Variants in NKAIN3 observed in about 807,000 individuals in gnomAD.
NKAIN3 encodes the protein sodium/potassium-transporting ATPase subunit beta-1-interacting protein 3.
A neutral mutation model predicts 30.2 loss-of-function variants in NKAIN3; 25 were observed. The observed-to-expected ratio is 0.83, with a 90% CI of 0.60 to 1.16. The LOEUF is 1.16. Among genes scored for constraint, NKAIN3 ranks in the 50% most tolerant of loss-of-function variants. The pLI is 0.00. For missense variants in NKAIN3, 225 were observed against 254.1 expected (o/e 0.89, Z 0.78); for synonymous variants, 91 against 89.6 (o/e 1.02, Z -0.09).
At chr8:62,863,429 T>C in intron 4 of NKAIN3, 3 of 1,552,804 alleles carry the variant, frequency 1.9e-6, no homozygotes, top group Non-Finnish European at 2.6e-6. Flanking sequence ...TGAGTAATCT[T>C]GGTCTTACTG....
intron 3 of NKAIN3, among the ~76,000 whole-genome samples, chr8:62,729,036 A>AC (rs1815371469): frequency 9.5e-6 from 1 of 104,888 alleles, no homozygotes; most frequent in African/African-American, 4.3e-5. Context: ...AAAAAAAAAA[A>AC]AAACAAAAAA....
chr8:62,413,317 A>G (rs1050255682), intron 1 of NKAIN3, among the ~76,000 whole-genome samples: 3 of 152,154 alleles, frequency 2.0e-5, no homozygotes. Flanking sequence ...TTCAGTAAGC[A>G]CACATGTCTG....
intron 1 of NKAIN3, among the ~76,000 whole-genome samples, chr8:62,397,239 G>C (rs1313310204): frequency 6.8e-6 from 1 of 146,452 alleles, no homozygotes; most frequent in East Asian, 2.0e-4. Flanking sequence ...CATCCCATTT[G>C]TGCCTTTTAT....
intron 5 of NKAIN3, among the ~76,000 whole-genome samples, chr8:62,928,229 G>A (rs1431766052): frequency 6.6e-6 from 1 of 152,110 alleles, no homozygotes; most frequent in Non-Finnish European, 1.5e-5. Flanking sequence ...AAGACACAAA[G>A]TAAGTTAATT....
intron 1 of NKAIN3, among the ~76,000 whole-genome samples, chr8:62,421,836 A>G (rs958026984): frequency 6.6e-6 from 1 of 151,998 alleles, no homozygotes; most frequent in Non-Finnish European, 1.5e-5. Context: ...CATTTTTTAT[A>G]TATTGGGGAA....
intron 4 of NKAIN3, among the ~76,000 whole-genome samples, chr8:62,808,704 A>G (rs1004057403): frequency 4.6e-5 from 7 of 152,132 alleles, no homozygotes; most frequent in African/African-American, 1.7e-4. Context: ...CAGAGATCAC[A>G]TGCTTCACAA....
intron 4 of NKAIN3, among the ~76,000 whole-genome samples, chr8:62,749,635 TTA>T (rs1413240321): frequency 6.6e-6 from 1 of 151,744 alleles, no homozygotes; most frequent in African/African-American, 2.4e-5. Context: ...GTCACTTATT[TTA>T]TATGATTATG....
chr8:62,257,211 C>G (rs1306687197), intron 1 of NKAIN3, among the ~76,000 whole-genome samples: 5 of 151,998 alleles, frequency 3.3e-5, no homozygotes, highest in Non-Finnish European at 7.4e-5. Flanking sequence ...TGTTTGTAAC[C>G]CTGATCAGCA....
chr8:62,288,990 C>G (rs1392671388), intron 1 of NKAIN3, among the ~76,000 whole-genome samples: 1 of 152,128 alleles, frequency 6.6e-6, no homozygotes, highest in African/African-American at 2.4e-5. Context: ...CTCTGATGGC[C>G]AGTGATGATG....
chr8:62,547,273 T>A (rs531553050), intron 1 of NKAIN3, among the ~76,000 whole-genome samples: 1 of 152,344 alleles, frequency 6.6e-6, no homozygotes, highest in Admixed American at 6.5e-5. Context: ...CTGGTACATG[T>A]CTCTCTTAAC....
intron 4 of NKAIN3, among the ~76,000 whole-genome samples, chr8:62,832,613 TAAAG>T (rs1819233434): frequency 6.6e-6 from 1 of 152,088 alleles, no homozygotes; most frequent in South Asian, 2.1e-4. Context: ...TACATAATGA[TAAAG>T]AATCCAATTC....
Position 62,618,390 on chromosome 8 carries a change from A to AT in NKAIN3, c.273+28597dup, listed in dbSNP as rs528404660. ...TCAGGATCCAAAACTTCATGAGTCG[A>AT]TCCAGCAGGGAGTGAAGGGAGGAAG... On this transcript the variant is annotated intron_variant, in intron 3 of 6. Transcript: ENST00000623646. Among the ~76,000 whole-genome samples the AT allele has an allele frequency of 2.9e-4, 44 of 152,256 alleles. No homozygotes were observed. The South Asian group carries it at 9.1e-3, about 32-fold the overall frequency.
At chr8:62,884,320 G>T (rs761778648) in intron 4 of NKAIN3, among the ~76,000 whole-genome samples, 2 of 151,604 alleles carry the variant, frequency 1.3e-5, no homozygotes, top group African/African-American at 4.8e-5. Flanking sequence ...GTGCAATGGC[G>T]CAATCTCGGC....
At chr8:62,353,953 A>G (rs1352478351) in intron 1 of NKAIN3, among the ~76,000 whole-genome samples, 1 of 152,228 alleles carries the variant, frequency 6.6e-6, no homozygotes, top group Non-Finnish European at 1.5e-5. Flanking sequence ...GCTCCTTAAA[A>G]GAAGCGAGTG....
intron 1 of NKAIN3, among the ~76,000 whole-genome samples, chr8:62,398,954 G>T (rs570639460): frequency 2.0e-5 from 3 of 152,154 alleles, no homozygotes; most frequent in Non-Finnish European, 2.9e-5. Context: ...AGCTGGGCGT[G>T]GTGGCACACG....
intron 1 of NKAIN3, among the ~76,000 whole-genome samples, chr8:62,336,620 C>T (rs1321186949): frequency 2.6e-5 from 4 of 151,928 alleles, no homozygotes; most frequent in Non-Finnish European, 5.9e-5. Context: ...TACAGCAACA[C>T]CACACCCCCA....
intron 3 of NKAIN3, among the ~76,000 whole-genome samples, chr8:62,732,080 CTT>C (rs960445289): frequency 2.6e-5 from 4 of 152,042 alleles, no homozygotes; most frequent in African/African-American, 9.7e-5. Flanking sequence ...ATTGGGTACA[CTT>C]GGGTTTTATT....
At chr8:62,843,358 A>G (rs1435393767) in intron 4 of NKAIN3, among the ~76,000 whole-genome samples, 1 of 150,640 alleles carries the variant, frequency 6.6e-6, no homozygotes, top group Non-Finnish European at 1.5e-5. Context: ...TTTTTTTGAG[A>G]CAGAGTCTCA....
At chr8:62,663,689 T>G (rs912967175) in intron 3 of NKAIN3, among the ~76,000 whole-genome samples, 1 of 152,206 alleles carries the variant, frequency 6.6e-6, no homozygotes, top group Non-Finnish European at 1.5e-5. Flanking sequence ...TAAACAGTGC[T>G]TTCTATATAA....
Sources: gnomAD v4.1 joint callset for allele counts (sites outside exome capture counted in the v4.1 genomes callset) on GRCh38, gnomAD v4.1.1 for gene constraint, MANE v1.5 for transcripts, NCBI Gene and HGNC (gene_info 2026-07-23, HGNC 2026-07-21) for gene names.